DOCK1: variants seen among roughly 807,000 people sequenced by gnomAD.
DOCK1 encodes dedicator of cytokinesis protein 1.
DOCK1 carries 138 observed loss-of-function variants against 262.7 expected under a neutral mutation model. The observed-to-expected ratio is 0.53, with a 90% CI of 0.46 to 0.61. The LOEUF is 0.61. Ranked by LOEUF, DOCK1 falls within the 20% of genes least tolerant of loss-of-function variation. The probability of loss-of-function intolerance (pLI) is 0.00; values close to 1 mark genes in which losing one functional copy is unlikely to be tolerated. For missense variants in DOCK1, 1,908 were observed against 2,370.7 expected, an observed-to-expected ratio of 0.80 and a Z score of 4.05; for synonymous variants, 866 against 867.4, an observed-to-expected ratio of 1.00 and a Z score of 0.03.
rs191947392 is a variant in DOCK1 at position 126,918,173 on chromosome 10, A to C, written c.46+12610A>C. ...TGGGGCTCCGCTGATGCTCAGGATC[A>C]CCAGCGTGCAGCGGGGACTCCACTG... On this transcript the variant is annotated intron_variant, in intron 1 of 51. Transcript: ENST00000623213. 1.3e-4 allele frequency among the ~76,000 whole-genome samples: 19 copies of C among 150,896 alleles called. No homozygotes were observed. In the East Asian group the frequency reaches 3.7e-3, roughly 29 times the overall value.
intron 33 of DOCK1, among the ~76,000 whole-genome samples, chr10:127,364,908 T>C (rs2064816839): frequency 6.6e-6 from 1 of 152,190 alleles, no homozygotes; most frequent in East Asian, 1.9e-4. Context: ...CCTGTATTTA[T>C]TTTTAATAAT....
intron 1 of DOCK1, among the ~76,000 whole-genome samples, chr10:126,961,315 C>T (rs1281951977): frequency 6.6e-6 from 1 of 152,098 alleles, no homozygotes. Flanking sequence ...GGGCCAGGCG[C>T]GGTGGCTCAC....
At chr10:127,300,826 G>T (rs1405459301) in intron 29 of DOCK1, among the ~76,000 whole-genome samples, 2 of 152,022 alleles carry the variant, frequency 1.3e-5, no homozygotes, top group Non-Finnish European at 2.9e-5. Context: ...TGCCTCTGTG[G>T]CTCAGCTTGT....
At chr10:127,341,363 A>T (rs2063418131) in intron 30 of DOCK1, among the ~76,000 whole-genome samples, 1 of 152,196 alleles carries the variant, frequency 6.6e-6, no homozygotes, top group African/African-American at 2.4e-5. Context: ...CTGCAGAATT[A>T]TCTTGGCTGT....
rs149586054 is a variant in DOCK1 at position 127,390,953 on chromosome 10, T to A, written c.3927+6044T>A. ...TGCTGCTCTGAGTCAAAGACTTTGC[T>A]CTTGTTGAGCGCCAAGAACATCGTC... On this transcript the variant is annotated intron_variant, in intron 38 of 51. Transcript: ENST00000623213. Among the ~76,000 whole-genome samples the A allele has an allele frequency of 3.5e-3, 532 of 152,344 alleles. 5 individuals carry two copies. The highest frequency in any genetic ancestry group is 0.012 in the African/African-American group (495 of 41,594).
At chr10:127,269,502 T>C (rs376432589) in intron 29 of DOCK1, among the ~76,000 whole-genome samples, 6 of 152,242 alleles carry the variant, frequency 3.9e-5, no homozygotes, top group Non-Finnish European at 2.9e-5. Context: ...TTATAGGTAA[T>C]TAAGTCAACC....
chr10:127,329,451 G>A (rs1189447670), intron 29 of DOCK1, among the ~76,000 whole-genome samples: 1 of 151,362 alleles, frequency 6.6e-6, no homozygotes, highest in Non-Finnish European at 1.5e-5. Flanking sequence ...CTGTGGTGGG[G>A]ATCCCTGGGG....
intron 33 of DOCK1, among the ~76,000 whole-genome samples, chr10:127,371,912 A>T (rs528715568): frequency 2.0e-5 from 3 of 152,344 alleles, no homozygotes; most frequent in Admixed American, 6.5e-5. Context: ...TTGTTATTTT[A>T]CAGTAAAAAT....
At chr10:127,212,803 C>G (rs1291765222) in intron 27 of DOCK1, among the ~76,000 whole-genome samples, 1 of 149,040 alleles carries the variant, frequency 6.7e-6, no homozygotes, top group Non-Finnish European at 1.5e-5. Flanking sequence ...TTCTCCCCAC[C>G]CCTTGCCAAA....
chr10:127,419,645 A>C, intron 45 of DOCK1, 21 bp from the exon 46 acceptor site: 1 of 1,589,042 alleles, frequency 6.3e-7, no homozygotes, highest in South Asian at 1.2e-5. Flanking sequence ...TGCACTGAGC[A>C]ACTCTCCTTG....
intron 27 of DOCK1, among the ~76,000 whole-genome samples, chr10:127,239,465 T>C (rs984368473): frequency 6.6e-6 from 1 of 152,180 alleles, no homozygotes; most frequent in South Asian, 2.1e-4. Context: ...GTGACATTTC[T>C]CCTTAATACA....
intron 38 of DOCK1, among the ~76,000 whole-genome samples, chr10:127,390,918 T>C (rs1199740242): frequency 1.3e-5 from 2 of 152,210 alleles, no homozygotes; most frequent in Non-Finnish European, 2.9e-5. Context: ...CGGTGGTTCC[T>C]GTTGGACGGT....
chr10:127,411,156 G>T (rs1462482107), intron 43 of DOCK1, among the ~76,000 whole-genome samples: 1 of 152,178 alleles, frequency 6.6e-6, no homozygotes, highest in Non-Finnish European at 1.5e-5. Context: ...AGGAGACTGT[G>T]CCGTCCAAAT....
At chr10:127,226,774 A>AAACAAAC (rs2058658484) in intron 27 of DOCK1, among the ~76,000 whole-genome samples, 8 of 140,946 alleles carry the variant, frequency 5.7e-5, no homozygotes, top group Admixed American at 2.8e-4. Context: ...AACAAACAAA[A>AAACAAAC]AAAAGAGTGG....
chr10:127,082,480 G>A (rs1403331880), intron 23 of DOCK1, among the ~76,000 whole-genome samples: 1 of 152,130 alleles, frequency 6.6e-6, no homozygotes, highest in Non-Finnish European at 1.5e-5. Context: ...AAGAGAGCGT[G>A]TGCAGGAGAA....
chr10:127,352,778 A>G (rs1012002626), intron 31 of DOCK1, among the ~76,000 whole-genome samples: 2 of 152,128 alleles, frequency 1.3e-5, no homozygotes, highest in East Asian at 3.9e-4. Flanking sequence ...TTTTTAGTGG[A>G]GACGGGGTTT....
chr10:127,210,256 GCGGTGCCACATAAGGTGGCCC>G (rs2134321699), intron 27 of DOCK1, among the ~76,000 whole-genome samples: 1 of 152,286 alleles, frequency 6.6e-6, no homozygotes, highest in Non-Finnish European at 1.5e-5. Flanking sequence ...CTGGACTTCG[GCGGTGCCACATAAGGTGGCCC>G]CAGTGCTCAT....
chr10:127,005,988 T>G (rs1232251720), intron 10 of DOCK1, among the ~76,000 whole-genome samples: 2 of 152,220 alleles, frequency 1.3e-5, no homozygotes, highest in Non-Finnish European at 2.9e-5. Flanking sequence ...AAATTCGGCT[T>G]CTCAATGGCT....
chr10:127,026,730 G>A (rs2042891142), intron 16 of DOCK1, among the ~76,000 whole-genome samples: 1 of 152,132 alleles, frequency 6.6e-6, no homozygotes, highest in Admixed American at 6.6e-5. Context: ...TTACTGAGCT[G>A]TAACAAATAC....
Sources: gnomAD v4.1 joint callset for allele counts (sites outside exome capture counted in the v4.1 genomes callset) on GRCh38, gnomAD v4.1.1 for gene constraint, MANE v1.5 for transcripts, NCBI Gene and HGNC (gene_info 2026-07-23, HGNC 2026-07-21) for gene names.